Variants in SNX24 observed in about 807,000 individuals in gnomAD.
SNX24 encodes the protein sorting nexin-24.
Under a neutral mutation model 28.7 loss-of-function variants are expected in SNX24, and 22 were observed. The ratio of observed to expected loss-of-function variants is 0.77; its 90% CI spans 0.55 to 1.10. SNX24 has a LOEUF of 1.10. Ranked by LOEUF, SNX24 falls within the 50% of genes least tolerant of loss-of-function variation. The pLI is 0.00. For missense variants in SNX24, 221 were observed against 201.1 expected (o/e 1.10, Z -0.60); for synonymous variants, 69 against 71.5 (o/e 0.96, Z 0.18).
At chr5:122,891,119 A>T in intron 1 of SNX24, 1 of 1,508,420 alleles carries the variant, frequency 6.6e-7, no homozygotes, top group Non-Finnish European at 8.9e-7. Flanking sequence ...GAAGACTTAC[A>T]TATCAGGTAT....
At chr5:122,860,484 CTCTA>C (rs1317479742) in intron 1 of SNX24, among the ~76,000 whole-genome samples, 1 of 152,204 alleles carries the variant, frequency 6.6e-6, no homozygotes, top group Non-Finnish European at 1.5e-5. Flanking sequence ...AGAAGTCTTA[CTCTA>C]TCTTTTATTC....
intron 1 of SNX24, among the ~76,000 whole-genome samples, chr5:122,846,705 A>G (rs1220229655): frequency 6.6e-6 from 1 of 152,204 alleles, no homozygotes. Context: ...AAGATTTAGA[A>G]TGAAAAACAG....
intron 5 of SNX24, among the ~76,000 whole-genome samples, chr5:123,020,791 T>C (rs1414618562): frequency 1.3e-5 from 2 of 152,240 alleles, no homozygotes; most frequent in African/African-American, 4.8e-5. Flanking sequence ...TTCTGTCTTC[T>C]GGGCCACTTC....
chr5:122,920,409 A>C (rs246267), intron 1 of SNX24, among the ~76,000 whole-genome samples: 3 of 152,082 alleles, frequency 2.0e-5, no homozygotes, highest in African/African-American at 7.2e-5. Context: ...ACAGAATCTG[A>C]TCCTGAAAAT....
chr5:122,943,984 C>T (rs140248395), intron 2 of SNX24, among the ~76,000 whole-genome samples: 2 of 152,262 alleles, frequency 1.3e-5, no homozygotes, highest in Non-Finnish European at 2.9e-5. Context: ...TACTTGGATG[C>T]CTGTTGAGCA....
chr5:123,009,073 A>G lies in SNX24; in HGVS notation c.*1324A>G, dbSNP rs1762508099. 1 of 985,384 alleles carries G rather than the reference A, an allele frequency of 1.0e-6. No individual in the cohort carries two copies. The allele number at this position is 985,384 out of a possible 1,614,324, so 61.0% of individuals were successfully genotyped here. A position where few individuals can be genotyped will look rare whatever the true frequency, so the allele number is the denominator to read the frequency against. ...AAAATATTATGATAGATTCTGTACT[A>G]CATGTGGGAAACAAGCAAGAACTAA... is the stretch of plus-strand genomic sequence containing the variant. On this transcript the variant is annotated 3_prime_UTR_variant, in exon 7 of 7. Transcript: ENST00000261369.
chr5:123,013,550 C>A (rs1383722862), downstream of SNX24, among the ~76,000 whole-genome samples: 1 of 152,172 alleles, frequency 6.6e-6, no homozygotes, highest in Non-Finnish European at 1.5e-5. Context: ...AGACTGGATT[C>A]TGATGAGGGT....
chr5:122,927,428 T>C (rs1008545261), intron 1 of SNX24, among the ~76,000 whole-genome samples: 1 of 152,166 alleles, frequency 6.6e-6, no homozygotes. Context: ...TGTGGGAAAA[T>C]TTGTGCTGAG....
downstream of SNX24, among the ~76,000 whole-genome samples, chr5:123,013,600 T>G (rs1762631487): frequency 6.6e-6 from 1 of 152,138 alleles, no homozygotes; most frequent in African/African-American, 2.4e-5. Context: ...GGGCATATTA[T>G]CTATGTTAAG....
rs113012630 is a variant in SNX24 at position 122,958,872 on chromosome 5, T to A, written c.249+12713T>A. Among the ~76,000 whole-genome samples the A allele has an allele frequency of 7.3e-3, 1,112 of 152,292 alleles. 17 individuals are homozygous for A. Among genetic ancestry groups the A allele is most frequent in the African/African-American group, 0.025 (1,054 of 41,566 alleles). On this transcript the variant is annotated intron_variant, in intron 3 of 6. Coordinates refer to ENST00000261369, the MANE Select transcript of SNX24 (RefSeq NM_014035.4). ...ACCCCACCTGGCCAATATAGTCTTT[T>A]TAATATGCTGCTGAATTTGATTTCC... is the stretch of plus-strand genomic sequence containing the variant.
At chr5:123,021,720 A>G (rs964235688) in intron 5 of SNX24, among the ~76,000 whole-genome samples, 1 of 152,134 alleles carries the variant, frequency 6.6e-6, no homozygotes, top group African/African-American at 2.4e-5. Context: ...TACCATGACC[A>G]AAGACTCACC....
chr5:122,869,390 G>T (rs1049832664), intron 1 of SNX24, among the ~76,000 whole-genome samples: 2 of 152,188 alleles, frequency 1.3e-5, no homozygotes, highest in African/African-American at 2.4e-5. Context: ...TTCTGACGTT[G>T]ATTCAGATAC....
At chr5:122,883,011 C>T (rs1756549311) in intron 1 of SNX24, among the ~76,000 whole-genome samples, 1 of 151,898 alleles carries the variant, frequency 6.6e-6, no homozygotes, top group Admixed American at 6.6e-5. Context: ...GGGAAAGAGC[C>T]ACAGAGAAAG....
chr5:122,995,211 C>T (rs1427382310), intron 3 of SNX24, among the ~76,000 whole-genome samples: 1 of 152,166 alleles, frequency 6.6e-6, no homozygotes, highest in African/African-American at 2.4e-5. Context: ...TAGAAAATGA[C>T]TCCTTCCTTG....
At chr5:122,909,578 C>G (rs2150087499) in intron 1 of SNX24, among the ~76,000 whole-genome samples, 1 of 151,800 alleles carries the variant, frequency 6.6e-6, no homozygotes, top group South Asian at 2.1e-4. Flanking sequence ...GGACAGCTGC[C>G]TTAACCTGGC....
chr5:122,897,405 T>TTATG (rs918158294), intron 1 of SNX24, among the ~76,000 whole-genome samples: 50 of 152,304 alleles, frequency 3.3e-4, no homozygotes, highest in African/African-American at 1.2e-3. Context: ...ATATGAGCCC[T>TTATG]TATGTATATA....
intron 1 of SNX24, among the ~76,000 whole-genome samples, chr5:122,898,106 TTGTC>T: frequency 6.6e-6 from 1 of 152,318 alleles, no homozygotes; most frequent in East Asian, 1.9e-4. Context: ...TTGTGATCTG[TTGTC>T]TGAAATAATT....
intron 3 of SNX24, among the ~76,000 whole-genome samples, chr5:122,976,819 C>A (rs903187287): frequency 3.3e-5 from 5 of 152,238 alleles, no homozygotes; most frequent in African/African-American, 1.2e-4. Context: ...GAAGAAAAAT[C>A]AATTGCAATT....
intron 1 of SNX24, among the ~76,000 whole-genome samples, chr5:122,890,429 A>C (rs1365507195): frequency 1.3e-5 from 2 of 149,888 alleles, no homozygotes; most frequent in African/African-American, 4.9e-5. Flanking sequence ...ATCTACCTCC[A>C]TCATTCCTTC....
Sources: gnomAD v4.1 joint callset for allele counts (sites outside exome capture counted in the v4.1 genomes callset) on GRCh38, gnomAD v4.1.1 for gene constraint, MANE v1.5 for transcripts, NCBI Gene and HGNC (gene_info 2026-07-23, HGNC 2026-07-21) for gene names.